Variants in LARP4B observed in about 807,000 individuals in gnomAD.
LARP4B encodes the protein la-related protein 4B.
A neutral mutation model predicts 89.8 loss-of-function variants in LARP4B; 12 were observed. The ratio of observed to expected loss-of-function variants is 0.13; its 90% CI spans 0.09 to 0.22. LARP4B has a LOEUF of 0.22. Ranked by LOEUF, LARP4B falls within the 10% of genes least tolerant of loss-of-function variation. The pLI, the probability that LARP4B is intolerant of heterozygous loss-of-function variation, is 1.00. For missense variants in LARP4B, 757 were observed against 947.7 expected (o/e 0.80, Z 2.64); for synonymous variants, 367 against 363.3 (o/e 1.01, Z -0.12).
At chr10:894,825 C>T (rs1468650939) in intron 1 of LARP4B, among the ~76,000 whole-genome samples, 2 of 152,174 alleles carry the variant, frequency 1.3e-5, no homozygotes, top group African/African-American at 4.8e-5. Flanking sequence ...CTGATGGTAG[C>T]TAAAGCTAGA....
intron 1 of LARP4B, among the ~76,000 whole-genome samples, chr10:888,793 T>C (rs988067902): frequency 4.6e-5 from 7 of 152,200 alleles, no homozygotes; most frequent in Non-Finnish European, 1.5e-5. Flanking sequence ...GTGAAAACTG[T>C]AAGAATATTA....
At chr10:934,580 G>A (rs886434765), upstream of LARP4B, among the ~76,000 whole-genome samples, 1 of 151,942 alleles carries the variant, frequency 6.6e-6, no homozygotes, top group African/African-American at 2.4e-5. Context: ...ATCAGAACTG[G>A]GCTTTTTGTT....
chr10:812,894 G>A lies in LARP4B; in HGVS notation c.*32C>T, dbSNP rs758405099. ...GAGTGTCTCGTTTGTGGTTAACACA[G>A]CGCTCTGCGACCCCTCCCAGACGTA... On this transcript the variant is annotated 3_prime_UTR_variant, in exon 18 of 18. Transcript: ENST00000316157. 56 of 1,511,194 alleles carry A rather than the reference G, an allele frequency of 3.7e-5. No homozygotes were observed. Among genetic ancestry groups the A allele is most frequent in the Non-Finnish European group, 4.6e-5 (52 of 1,135,414 alleles). The allele number at this position is 1,511,194 out of a possible 1,614,324, so 93.6% of individuals were successfully genotyped here.
intron 3 of LARP4B, among the ~76,000 whole-genome samples, chr10:883,442 C>T (rs181706680): frequency 1.1e-3 from 170 of 152,084 alleles, no homozygotes; most frequent in Middle Eastern, 6.8e-3. Flanking sequence ...ACCCAGGAGG[C>T]GGAGGTTGCG....
chr10:834,812 TA>T (rs1833106914), intron 8 of LARP4B, among the ~76,000 whole-genome samples: 1 of 152,202 alleles, frequency 6.6e-6, no homozygotes, highest in East Asian at 1.9e-4. Flanking sequence ...ATGTTTTAAA[TA>T]TTACTTTGAG....
intron 5 of LARP4B, 71 bp downstream of exon 5, chr10:863,672 T>C: frequency 2.8e-6 from 4 of 1,446,090 alleles, no homozygotes; most frequent in Non-Finnish European, 2.8e-6. Context: ...AGAATGTTAA[T>C]ACTCTAAATA....
the LARP4B span, among the ~76,000 whole-genome samples, chr10:984,569 C>T: frequency 5.3e-5 from 8 of 152,168 alleles, no homozygotes; most frequent in African/African-American, 1.9e-4. Flanking sequence ...TGTCATGATC[C>T]ACGCACAGGA....
intron 5 of LARP4B, among the ~76,000 whole-genome samples, chr10:851,262 C>A (rs1001720117): frequency 6.7e-6 from 1 of 150,010 alleles, no homozygotes; most frequent in African/African-American, 2.5e-5. Flanking sequence ...TGGCTCACTG[C>A]AACCTACGTT....
chr10:962,068 G>A, the LARP4B span, among the ~76,000 whole-genome samples: 1 of 152,124 alleles, frequency 6.6e-6, no homozygotes, highest in Non-Finnish European at 1.5e-5. Flanking sequence ...CAAGGCCGGT[G>A]GATCACCTGA....
At chr10:855,003 T>G (rs1164197859) in intron 5 of LARP4B, among the ~76,000 whole-genome samples, 1 of 152,234 alleles carries the variant, frequency 6.6e-6, no homozygotes, top group Non-Finnish European at 1.5e-5. Flanking sequence ...CTGCTTCTTT[T>G]CTTTAACTTC....
chr10:898,923 G>A (rs1289182492), intron 1 of LARP4B, among the ~76,000 whole-genome samples: 1 of 152,104 alleles, frequency 6.6e-6, no homozygotes, highest in African/African-American at 2.4e-5. Context: ...CATTTAACAG[G>A]CAATTCACTC....
At chr10:932,760 C>T (rs1333016448), upstream of LARP4B, among the ~76,000 whole-genome samples, 1 of 141,320 alleles carries the variant, frequency 7.1e-6, no homozygotes, top group Non-Finnish European at 1.5e-5. Context: ...AAGGTCCCGG[C>T]CCCGAAGTCC....
chr10:829,461 T>C lies in LARP4B; in HGVS notation c.1049A>G (p.Gln350Arg). ...SFYFPPMYSPQQQFPLYSLIT... is the reference protein window; with the variant it reads ...SFYFPPMYSPRQQFPLYSLIT... Reference sequence around the variant, plus strand: ...CAGGCTGTACAGGGGGAACTGCTGCTGGGGGCTGTACATGGGAGGGAAGTA... The same window carrying C: ...CAGGCTGTACAGGGGGAACTGCTGCCGGGGGCTGTACATGGGAGGGAAGTA... Residue 350 changes from glutamine to arginine, a missense_variant, in exon 11 of 18, where the codon CAG becomes CGG. By Grantham distance (43) the Gln-to-Arg change is conservative. Transcript: ENST00000316157. The C allele has an allele frequency of 6.2e-7, 1 of 1,614,156 alleles. No individual in the cohort carries two copies. Among genetic ancestry groups the C allele is most frequent in the Non-Finnish European group, 8.5e-7 (1 of 1,180,016 alleles).
At chr10:870,703 T>A (rs1835157455) in intron 3 of LARP4B, among the ~76,000 whole-genome samples, 2 of 152,178 alleles carry the variant, frequency 1.3e-5, no homozygotes, top group African/African-American at 4.8e-5. Flanking sequence ...CCAAATAAAG[T>A]CTCTCTTCCT....
chr10:887,821 C>T (rs1422573439), intron 1 of LARP4B, among the ~76,000 whole-genome samples: 3 of 151,912 alleles, frequency 2.0e-5, no homozygotes, highest in South Asian at 2.1e-4. Flanking sequence ...GCCAGGAGTT[C>T]GAGACCAGCC....
At chr10:960,830 C>T in the LARP4B span, among the ~76,000 whole-genome samples, 1 of 151,814 alleles carries the variant, frequency 6.6e-6, no homozygotes, top group African/African-American at 2.4e-5. Flanking sequence ...ATTGAGGACT[C>T]CACTCTGGCA....
rs149726111 is a variant in LARP4B, at chr10:912,908, C to G, written c.-40+18520G>C. 5.5e-3 allele frequency among the ~76,000 whole-genome samples: 844 copies of G among 152,152 alleles called. 6 individuals carry two copies. Among genetic ancestry groups the G allele is most frequent in the South Asian group, 0.015 (71 of 4,806 alleles). ...GACTTTCTGACATTTAGCTAGCTAT[C>G]CTGAACCTCTTTATAAAAGAAACTG... On this transcript the variant is annotated intron_variant, in intron 1 of 17. Transcript: ENST00000316157.
At chr10:858,213 C>CA (rs1834406247) in intron 5 of LARP4B, among the ~76,000 whole-genome samples, 1 of 152,150 alleles carries the variant, frequency 6.6e-6, no homozygotes, top group Non-Finnish European at 1.5e-5. Context: ...CAGCCCAATG[C>CA]AACAGAAGAG....
chr10:924,737 C>T (rs550999549), intron 1 of LARP4B, among the ~76,000 whole-genome samples: 1 of 152,342 alleles, frequency 6.6e-6, no homozygotes, highest in South Asian at 2.1e-4. Flanking sequence ...CTCAGGGAAG[C>T]CTTCTGATCC....
Sources: allele counts gnomAD v4.1 joint callset (sites outside exome capture counted in the v4.1 genomes callset), GRCh38; gene constraint gnomAD v4.1.1; transcripts MANE v1.5; gene names NCBI Gene and HGNC (gene_info 2026-07-23, HGNC 2026-07-21).